The following QRSL1 variants were observed in gnomAD, a reference collection of about 807,000 sequenced individuals.
QRSL1 encodes the protein glutaminyl-tRNA amidotransferase subunit QRSL1.
QRSL1 carries 54 observed loss-of-function variants against 61.6 expected under a neutral mutation model. That is an observed-to-expected ratio of 0.88 (90% confidence interval 0.70 to 1.10). The LOEUF is 1.10. QRSL1 is among the 50% of genes least tolerant of loss of function. QRSL1 has a pLI of 0.00. For synonymous variants in QRSL1, 228 were observed against 225.7 expected (o/e 1.01, Z -0.09); for missense variants, 505 against 622.6 (o/e 0.81, Z 2.01).
Position 106,629,605 on chromosome 6 carries a change from T to C in QRSL1, c.-77T>C. The stretch of plus-strand genomic sequence containing the variant: ...TGACAATTAAAGATGGCTGCGCCCA[T>C]GTAACATCACTAGCGACCGGTGACC... On this transcript the variant is annotated 5_prime_UTR_variant, in exon 1 of 11. It removes an upstream start codon present in the reference 5' UTR. Transcript: ENST00000369046. 1.3e-6 allele frequency: 2 copies of C among 1,536,514 alleles called. No homozygotes were observed. Among genetic ancestry groups the C allele is most frequent in the African/African-American group, 1.4e-5 (1 of 72,604 alleles).
chr6:106,655,577 T>A, intron 8 of QRSL1, 38 bp from the exon 9 acceptor site: 1 of 1,367,670 alleles, frequency 7.3e-7, no homozygotes, highest in South Asian at 1.2e-5. Context: ...CTGACTTTAC[T>A]TCCTTTCAAG....
chr6:106,639,746 C>T (rs1265994981), intron 1 of QRSL1, among the ~76,000 whole-genome samples: 3 of 152,008 alleles, frequency 2.0e-5, no homozygotes, highest in Non-Finnish European at 4.4e-5. Flanking sequence ...ACTTTCGGTG[C>T]AGTTTTTTTT....
chr6:106,633,943 C>T (rs1263944975), intron 1 of QRSL1, among the ~76,000 whole-genome samples: 1 of 127,856 alleles, frequency 7.8e-6, no homozygotes, highest in African/African-American at 3.5e-5. Flanking sequence ...AGCCATTAAA[C>T]ACTTTAAAAA....
chr6:106,659,458 C>CT (rs1458430379), intron 9 of QRSL1, among the ~76,000 whole-genome samples: 1 of 147,530 alleles, frequency 6.8e-6, no homozygotes, highest in Non-Finnish European at 1.5e-5. Flanking sequence ...GAGTGAGACT[C>CT]TGTCTCCAAA....
At chr6:106,638,381 C>T (rs149398327) in intron 1 of QRSL1, among the ~76,000 whole-genome samples, 239 of 152,166 alleles carry the variant, frequency 1.6e-3, no homozygotes, top group African/African-American at 5.1e-3. Flanking sequence ...CTCACCTCAC[C>T]GCAACCTCTG....
At chr6:106,647,061 A>G (rs1471586185) in intron 4 of QRSL1, among the ~76,000 whole-genome samples, 1 of 149,236 alleles carries the variant, frequency 6.7e-6, no homozygotes, top group East Asian at 2.0e-4. Flanking sequence ...AAAAATTAAT[A>G]GACTTCATTA....
intron 8 of QRSL1, 91 bp downstream of exon 8, chr6:106,655,013 A>T (rs1397874620): frequency 1.7e-6 from 2 of 1,206,524 alleles, no homozygotes; most frequent in Admixed American, 2.4e-5. Flanking sequence ...AATGCTTGAG[A>T]TAATGTTAGT....
intron 4 of QRSL1, among the ~76,000 whole-genome samples, chr6:106,648,079 C>T (rs1263096028): frequency 6.6e-6 from 1 of 151,588 alleles, no homozygotes; most frequent in African/African-American, 2.4e-5. Context: ...GGGTGGATTA[C>T]GAGGTCAAGA....
At position 106,666,988 on chromosome 6, in the gene QRSL1, C is replaced by G. The variant is rs2114722217; in HGVS notation, c.*986C>G. The G allele has an allele frequency of 6.6e-6, 1 of 152,316 alleles. No homozygotes were observed. The highest frequency in any genetic ancestry group is 2.1e-4 in the South Asian group (1 of 4,828). 9.4% of individuals were successfully genotyped at this position (152,316 alleles called of 1,614,324 possible). On this transcript the variant is annotated 3_prime_UTR_variant, in exon 11 of 11. Coordinates refer to ENST00000369046, the MANE Select transcript of QRSL1 (RefSeq NM_018292.5). ...CAATTTTACTTCTGCTATTCCGGAG[C>G]CCATGCCTAGAAGCCAGAACAACTC...
chr6:106,644,773 T>A (rs1777081972), intron 4 of QRSL1, among the ~76,000 whole-genome samples: 1 of 152,072 alleles, frequency 6.6e-6, no homozygotes, highest in South Asian at 2.1e-4. Flanking sequence ...GCCCGCCTGG[T>A]CTCCCAAAGT....
At chr6:106,663,293 C>G (rs926888190) in intron 10 of QRSL1, 108 bp downstream of exon 10, 3 of 1,029,590 alleles carry the variant, frequency 2.9e-6, no homozygotes, top group Non-Finnish European at 4.4e-6. Flanking sequence ...AAAAGTCTAT[C>G]CTTTTGGAAT....
intron 1 of QRSL1, among the ~76,000 whole-genome samples, chr6:106,639,841 G>A (rs931284431): frequency 2.0e-5 from 3 of 151,832 alleles, no homozygotes; most frequent in East Asian, 3.9e-4. Context: ...CTTTGAACCC[G>A]TATTTTATAA....
chr6:106,642,544 C>T (rs1052805920), intron 3 of QRSL1: 20 of 718,998 alleles, frequency 2.8e-5, no homozygotes, highest in Non-Finnish European at 5.1e-5. Flanking sequence ...TTGCCATGTA[C>T]ATGTGAACCT....
chr6:106,636,684 G>A (rs1475040654), intron 1 of QRSL1, among the ~76,000 whole-genome samples: 2 of 152,110 alleles, frequency 1.3e-5, no homozygotes, highest in Non-Finnish European at 2.9e-5. Flanking sequence ...TGTAAATGGA[G>A]ATAATAATAG....
In QRSL1 at chr6:106,666,192, G is replaced by T; in HGVS notation, c.*190G>T. 1.8e-6 allele frequency: 1 copy of T among 556,702 alleles called. No individual in the cohort carries two copies. 34.5% of individuals were successfully genotyped at this position (556,702 alleles called of 1,614,324 possible). A position where few individuals can be genotyped will look rare whatever the true frequency, so the allele number is the denominator to read the frequency against. Reference sequence around the variant, plus strand: ...CCAGGCTTAGTGGCGGGCATCTGTAGTCCCAGCTACTCAGGAGGCTGAGGC... The same window carrying T: ...CCAGGCTTAGTGGCGGGCATCTGTATTCCCAGCTACTCAGGAGGCTGAGGC... On this transcript the variant is annotated 3_prime_UTR_variant, in exon 11 of 11. Coordinates refer to ENST00000369046, the MANE Select transcript of QRSL1 (RefSeq NM_018292.5).
intron 1 of QRSL1, among the ~76,000 whole-genome samples, chr6:106,639,131 T>G (rs532072369): frequency 4.3e-5 from 6 of 138,614 alleles, no homozygotes; most frequent in African/African-American, 1.1e-4. Context: ...TTTTTTTTTT[T>G]TTTTTTTTTT....
intron 3 of QRSL1, among the ~76,000 whole-genome samples, chr6:106,641,723 G>A (rs1474848974): frequency 6.6e-6 from 1 of 152,116 alleles, no homozygotes; most frequent in Non-Finnish European, 1.5e-5. Context: ...TGAAAATAAA[G>A]ATCTATTTCT....
chr6:106,630,476 G>A (rs1218972591), intron 1 of QRSL1, among the ~76,000 whole-genome samples: 2 of 152,148 alleles, frequency 1.3e-5, no homozygotes, highest in African/African-American at 4.8e-5. Flanking sequence ...CTATCTTGCA[G>A]ATATGGCTGG....
chr6:106,662,912 T>C, intron 9 of QRSL1, 68 bp from the exon 10 acceptor site: 1 of 1,302,704 alleles, frequency 7.7e-7, no homozygotes, highest in Non-Finnish European at 1.1e-6. Context: ...TCAAGCCTAA[T>C]GTAAGATAAT....
Sources: gnomAD v4.1 joint callset for allele counts (sites outside exome capture counted in the v4.1 genomes callset) on GRCh38, gnomAD v4.1.1 for gene constraint, MANE v1.5 for transcripts, NCBI Gene and HGNC (gene_info 2026-07-23, HGNC 2026-07-21) for gene names.